The following PLCB4 variants were observed in gnomAD, a reference collection of about 807,000 sequenced individuals.
The protein encoded by PLCB4 is 1-phosphatidylinositol 4,5-bisphosphate phosphodiesterase beta-4.
In PLCB4, 77 loss-of-function variants were observed where a neutral mutation model predicts 178.8. That is an observed-to-expected ratio of 0.43 (90% confidence interval 0.36 to 0.52). The LOEUF is 0.52. Ranked by LOEUF, PLCB4 falls within the 20% of genes least tolerant of loss-of-function variation. PLCB4 has a pLI of 0.00. For synonymous variants in PLCB4, 496 were observed against 490.8 expected (o/e 1.01, Z -0.14); for missense variants, 1,024 against 1,453.4 (o/e 0.70, Z 4.80).
At chr20:9,422,421 G>T (rs2040706975) in intron 27 of PLCB4, among the ~76,000 whole-genome samples, 1 of 152,150 alleles carries the variant, frequency 6.6e-6, no homozygotes, top group Non-Finnish European at 1.5e-5. Flanking sequence ...GTCAGGATAT[G>T]GTGTAAATTA....
chr20:9,431,254 C>T (rs1218281226), intron 28 of PLCB4, among the ~76,000 whole-genome samples: 1 of 152,032 alleles, frequency 6.6e-6, no homozygotes, highest in Non-Finnish European at 1.5e-5. Flanking sequence ...GCCTTCTTCC[C>T]TGTGACTCCA....
At chr20:9,441,919 T>C (rs1001559405) in intron 30 of PLCB4, among the ~76,000 whole-genome samples, 1 of 152,154 alleles carries the variant, frequency 6.6e-6, no homozygotes, top group Non-Finnish European at 1.5e-5. Context: ...ACTTTTTTTT[T>C]TTTTTCTGAT....
At chr20:9,166,906 T>C (rs1256274033) in intron 2 of PLCB4, among the ~76,000 whole-genome samples, 1 of 152,172 alleles carries the variant, frequency 6.6e-6, no homozygotes, top group Non-Finnish European at 1.5e-5. Context: ...AAAATTGTTA[T>C]ATTTATTATT....
intron 26 of PLCB4, 143 bp downstream of exon 26, chr20:9,420,052 A>C (rs549783380): frequency 9.9e-4 from 505 of 510,668 alleles, no homozygotes; most frequent in South Asian, 2.9e-3. Flanking sequence ...TTTTTAAAAA[A>C]TGAGACCCAT....
chr20:9,337,828 T>C (rs2032670675), intron 5 of PLCB4, among the ~76,000 whole-genome samples, 180 bp from the exon 6 acceptor site: 2 of 152,146 alleles, frequency 1.3e-5, no homozygotes, highest in Admixed American at 1.3e-4. Flanking sequence ...ATGGAATACT[T>C]GGGGTCTTGA....
At chr20:9,080,606 C>T (rs2090097019) in intron 1 of PLCB4, among the ~76,000 whole-genome samples, 1 of 152,308 alleles carries the variant, frequency 6.6e-6, no homozygotes, top group African/African-American at 2.4e-5. Context: ...TTGAGTACCT[C>T]TTCATTACTT....
intron 3 of PLCB4, among the ~76,000 whole-genome samples, chr20:9,248,927 G>A (rs565488342): frequency 1.5e-4 from 23 of 152,284 alleles, no homozygotes; most frequent in Admixed American, 4.6e-4. Flanking sequence ...TCAAGGGGCT[G>A]GCAGAGCTGC....
chr20:9,386,177 C>T (rs1271500000), intron 14 of PLCB4, among the ~76,000 whole-genome samples: 6 of 147,152 alleles, frequency 4.1e-5, no homozygotes, highest in African/African-American at 7.5e-5. Flanking sequence ...CACGGAAGTC[C>T]GGGGCAGGGA....
intron 2 of PLCB4, among the ~76,000 whole-genome samples, chr20:9,175,009 T>C (rs1012527821): frequency 2.6e-5 from 4 of 152,204 alleles, no homozygotes; most frequent in African/African-American, 9.7e-5. Flanking sequence ...TAAATAGATT[T>C]CTTTTTAGTT....
intron 3 of PLCB4, among the ~76,000 whole-genome samples, chr20:9,273,441 T>C (rs2094423595): frequency 6.6e-6 from 1 of 152,080 alleles, no homozygotes. Flanking sequence ...ATTTGAATTT[T>C]TGCAGTCTGA....
At chr20:9,390,394 ACATCT>A (rs1246784900) in intron 16 of PLCB4, 132 bp from the exon 17 acceptor site, 5 of 494,340 alleles carry the variant, frequency 1.0e-5, no homozygotes, top group Non-Finnish European at 1.5e-5. Flanking sequence ...AGTTTTTGAT[ACATCT>A]CACATTAGCA....
At chr20:9,070,691 T>C (rs1483893419) in intron 1 of PLCB4, among the ~76,000 whole-genome samples, 1 of 152,202 alleles carries the variant, frequency 6.6e-6, no homozygotes, top group Non-Finnish European at 1.5e-5. Context: ...ATTGGCACTT[T>C]TATGAACGTA....
chr20:9,226,350 G>C (rs2093865685), intron 3 of PLCB4, among the ~76,000 whole-genome samples: 1 of 152,182 alleles, frequency 6.6e-6, no homozygotes, highest in Non-Finnish European at 1.5e-5. Context: ...GTATGTTAAA[G>C]AGCCCATACT....
At chr20:9,292,935 C>T (rs6108278) in intron 3 of PLCB4, among the ~76,000 whole-genome samples, 4,855 of 152,134 alleles carry the variant, frequency 0.032, 131 homozygotes, top group African/African-American at 0.064. Context: ...AAAAATTATC[C>T]GAGTGTGGTG....
intron 4 of PLCB4, among the ~76,000 whole-genome samples, chr20:9,315,927 C>T (rs1042172624): frequency 4.7e-5 from 7 of 150,328 alleles, no homozygotes; most frequent in Non-Finnish European, 8.9e-5. Context: ...GGTGACAGAG[C>T]GAGATTCTGT....
chr20:9,319,578 C>T (rs1333168219), intron 4 of PLCB4, among the ~76,000 whole-genome samples: 3 of 152,080 alleles, frequency 2.0e-5, no homozygotes, highest in African/African-American at 4.8e-5. Flanking sequence ...GGCCAGAGAA[C>T]CAGGGGAGCC....
intron 3 of PLCB4, among the ~76,000 whole-genome samples, chr20:9,275,615 C>T (rs570267023): frequency 6.6e-5 from 10 of 152,140 alleles, no homozygotes; most frequent in Non-Finnish European, 1.0e-4. Flanking sequence ...CTCTAGCTCA[C>T]GGCCACAGTC....
At chr20:9,323,959 G>C (rs1336602492) in intron 4 of PLCB4, among the ~76,000 whole-genome samples, 1 of 152,154 alleles carries the variant, frequency 6.6e-6, no homozygotes, top group African/African-American at 2.4e-5. Flanking sequence ...TGGTTTGGAG[G>C]CTCTCCCTGT....
At position 9,437,162 on chromosome 20, in the gene PLCB4, A is replaced by G; in HGVS notation, c.2764+10A>G. The G allele has an allele frequency of 2.5e-6, 4 of 1,612,480 alleles. No homozygotes were observed. The highest frequency in any genetic ancestry group is 3.4e-6 in the Non-Finnish European group (4 of 1,178,988). ...GTGGAAGCCAAGAAAGGTGAGAGAGAGCCGTTGGGTTCCTTATCTTCTGCA... is the reference window on the plus strand; with the variant it reads ...GTGGAAGCCAAGAAAGGTGAGAGAGGGCCGTTGGGTTCCTTATCTTCTGCA... On this transcript the variant is annotated intron_variant, in intron 30 of 39. Transcript: ENST00000378473.
Sources: allele counts gnomAD v4.1 joint callset (sites outside exome capture counted in the v4.1 genomes callset), GRCh38; gene constraint gnomAD v4.1.1; transcripts MANE v1.5; gene names NCBI Gene and HGNC (gene_info 2026-07-23, HGNC 2026-07-21).